NAV2: variants seen among roughly 807,000 people sequenced by gnomAD.
NAV2 encodes the protein neuron navigator 2.
In NAV2, 54 loss-of-function variants were observed where a neutral mutation model predicts 223.2. That is an observed-to-expected ratio of 0.24 (90% CI 0.19 to 0.30). The LOEUF (loss-of-function observed/expected upper bound fraction) is 0.30, where lower values mean the gene tolerates loss of function less well. Ranked by LOEUF, NAV2 falls within the 10% of genes least tolerant of loss-of-function variation. The pLI is 1.00. For synonymous variants in NAV2, 1,279 were observed against 1,239.3 expected (o/e 1.03, Z -0.67); for missense variants, 2,806 against 3,147.5 (o/e 0.89, Z 2.60).
intron 10 of NAV2, among the ~76,000 whole-genome samples, chr11:19,965,415 A>G (rs980515891): frequency 6.6e-6 from 1 of 152,118 alleles, no homozygotes; most frequent in Non-Finnish European, 1.5e-5. Flanking sequence ...CCCAGAACCC[A>G]GAATCTTAGA....
At chr11:19,847,431 G>T (rs1222753130) in intron 3 of NAV2, among the ~76,000 whole-genome samples, 6 of 152,192 alleles carry the variant, frequency 3.9e-5, no homozygotes, top group Non-Finnish European at 8.8e-5. Flanking sequence ...TCCCAGCGCT[G>T]AGCCCCTGCT....
chr11:19,832,440 G>T (rs1487357158), intron 1 of NAV2, 44 bp from the exon 2 acceptor site: 3 of 1,496,166 alleles, frequency 2.0e-6, no homozygotes, highest in South Asian at 1.1e-5. Context: ...TCTGAGAGGG[G>T]ATCCGACTGG....
At chr11:19,662,773 A>G (rs911749109) in intron 1 of NAV2, among the ~76,000 whole-genome samples, 9 of 152,192 alleles carry the variant, frequency 5.9e-5, no homozygotes, top group Non-Finnish European at 1.5e-5. Flanking sequence ...TGCCTGAGAC[A>G]CTGAAGCTTC....
chr11:19,515,079 T>C (rs983495849), intron 1 of NAV2, among the ~76,000 whole-genome samples: 2 of 152,186 alleles, frequency 1.3e-5, no homozygotes, highest in African/African-American at 4.8e-5. Flanking sequence ...CCATGTGATT[T>C]TGGGCAAATT....
At chr11:19,569,950 T>G (rs981916048) in intron 1 of NAV2, among the ~76,000 whole-genome samples, 1 of 152,238 alleles carries the variant, frequency 6.6e-6, no homozygotes, top group East Asian at 1.9e-4. Context: ...TTTCCCCTTG[T>G]ATTCAACCAG....
chr11:20,075,208 T>A (rs563729431), intron 22 of NAV2, among the ~76,000 whole-genome samples: 16 of 108,022 alleles, frequency 1.5e-4, no homozygotes, highest in Middle Eastern at 8.1e-3. Flanking sequence ...CCATGTTTTT[T>A]GTTTTTTTGT....
At chr11:19,408,600 G>A (rs542002020) in intron 1 of NAV2, among the ~76,000 whole-genome samples, 24 of 152,288 alleles carry the variant, frequency 1.6e-4, no homozygotes, top group African/African-American at 5.8e-4. Context: ...ACTTACGCCT[G>A]CCAGGTTCTG....
chr11:20,037,680 A>G (rs150804606), intron 12 of NAV2, among the ~76,000 whole-genome samples: 17 of 152,322 alleles, frequency 1.1e-4, no homozygotes, highest in African/African-American at 2.6e-4. Flanking sequence ...TATTCAAGCT[A>G]TGTACTTAAG....
At chr11:19,529,612 G>A (rs1177791207) in intron 1 of NAV2, among the ~76,000 whole-genome samples, 1 of 152,176 alleles carries the variant, frequency 6.6e-6, no homozygotes, top group African/African-American at 2.4e-5. Context: ...TGGGATATAA[G>A]TCCCAGGGGT....
chr11:19,588,524 A>G (rs2135114099), intron 1 of NAV2, among the ~76,000 whole-genome samples: 1 of 152,308 alleles, frequency 6.6e-6, no homozygotes, highest in East Asian at 1.9e-4. Flanking sequence ...AAGATGATAA[A>G]CAAAGTCCTG....
chr11:20,118,734 G>C lies in NAV2; in HGVS notation c.*476G>C, dbSNP rs2063326088. On this transcript the variant is annotated 3_prime_UTR_variant, in exon 38 of 38. Coordinates refer to ENST00000349880, the MANE Select transcript of NAV2 (RefSeq NM_145117.5). ...CACAGACCCTCCAGACTGGGTCTCA[G>C]AGCCGTGCCACCCACCCTCCCACAC... The C allele has an allele frequency of 5.8e-6, 1 of 171,012 alleles. No individual in the cohort carries two copies. The highest frequency in any genetic ancestry group is 2.4e-5 in the African/African-American group (1 of 41,702). 10.6% of individuals were successfully genotyped at this position (171,012 alleles called of 1,614,324 possible).
At chr11:19,428,946 G>A (rs192560789) in intron 1 of NAV2, among the ~76,000 whole-genome samples, 8 of 152,288 alleles carry the variant, frequency 5.3e-5, no homozygotes, top group African/African-American at 1.4e-4. Flanking sequence ...GGTTAGAAAC[G>A]CCTTCCTGCT....
In NAV2 at chr11:20,056,680, A is replaced by G. The variant is rs774198480; in HGVS notation, c.4831+723A>G. On this transcript the variant is annotated intron_variant, in intron 19 of 37. Transcript: ENST00000349880. ...AGGATATCATCCCCACCCCATGAAGATGGGGCTGATGGGACATTGGCGGCA... is the reference window on the plus strand; with the variant it reads ...AGGATATCATCCCCACCCCATGAAGGTGGGGCTGATGGGACATTGGCGGCA... The G allele has an allele frequency of 4.4e-6, 5 of 1,137,074 alleles. No individual in the cohort carries two copies. In the Admixed American group the frequency reaches 8.5e-5, roughly 19 times the overall value. 70.4% of individuals were successfully genotyped at this position (1,137,074 alleles called of 1,614,324 possible).
intron 11 of NAV2, among the ~76,000 whole-genome samples, chr11:19,986,225 T>C (rs1299357038): frequency 6.6e-6 from 1 of 152,206 alleles, no homozygotes; most frequent in Non-Finnish European, 1.5e-5. Flanking sequence ...TAGGTAGCAC[T>C]TGTTAGGTTG....
In NAV2 at chr11:19,423,682, A is replaced by G. The variant is rs182676661; in HGVS notation, c.75+72655A>G. ...GATTGAAAGTGGCTTGCCAATGTCT[A>G]TCTAACTGGGTTTCATTATCTTTTA... On this transcript the variant is annotated intron_variant, in intron 1 of 37. Transcript: ENST00000360655. 1.3e-3 allele frequency among the ~76,000 whole-genome samples: 200 copies of G among 152,316 alleles called. 1 individual carries two copies. Among genetic ancestry groups the G allele is most frequent in the African/African-American group, 4.5e-3 (185 of 41,558 alleles).
chr11:19,703,379 G>A (rs1489315113), intron 1 of NAV2, among the ~76,000 whole-genome samples: 2 of 152,226 alleles, frequency 1.3e-5, no homozygotes, highest in African/African-American at 2.4e-5. Flanking sequence ...CAGAGTCAGA[G>A]GGTAGGCATG....
intron 1 of NAV2, among the ~76,000 whole-genome samples, chr11:19,391,704 G>C (rs1488280075): frequency 6.6e-6 from 1 of 152,078 alleles, no homozygotes; most frequent in Admixed American, 6.6e-5. Flanking sequence ...AGGAACTGGG[G>C]GGGATGGATT....
Position 19,889,759 on chromosome 11 carries a change from G to A in NAV2, c.771-2675G>A, listed in dbSNP as rs528417673. Reference sequence around the variant, plus strand: ...AACCACGGATGTTTCATTCCAGAGAGTGGAGCCCACAGATACCCCAAGTAT... The same window carrying A: ...AACCACGGATGTTTCATTCCAGAGAATGGAGCCCACAGATACCCCAAGTAT... On this transcript the variant is annotated intron_variant, in intron 5 of 37. Transcript: ENST00000349880. Among the ~76,000 whole-genome samples, 17 of 152,294 alleles carry A rather than the reference G, an allele frequency of 1.1e-4. 1 individual carries two copies. In the South Asian group the frequency reaches 3.1e-3, roughly 28 times the overall value.
At chr11:20,034,198 A>G (rs72906445) in intron 11 of NAV2, among the ~76,000 whole-genome samples, 5,969 of 151,176 alleles carry the variant, frequency 0.039, 146 homozygotes, top group African/African-American at 0.054. Context: ...CAGGGTATCT[A>G]TTTTTTTCTA....
Sources: gnomAD v4.1 joint callset for allele counts (sites outside exome capture counted in the v4.1 genomes callset) on GRCh38, gnomAD v4.1.1 for gene constraint, MANE v1.5 for transcripts, NCBI Gene and HGNC (gene_info 2026-07-23, HGNC 2026-07-21) for gene names.